RNF150: variants seen among roughly 807,000 people sequenced by gnomAD.
The protein encoded by RNF150 is ring finger protein 150.
In RNF150, 24 loss-of-function variants were observed where a neutral mutation model predicts 39.3. The observed-to-expected ratio is 0.61, with a 90% CI of 0.44 to 0.86. RNF150 has a LOEUF of 0.86. Ranked by LOEUF, RNF150 falls within the 40% of genes least tolerant of loss-of-function variation. The pLI is 0.00. For synonymous variants in RNF150, 255 were observed against 227.3 expected (o/e 1.12, Z -1.10); for missense variants, 502 against 587.8 (o/e 0.85, Z 1.51).
chr4:141,170,658 C>T (rs1466433483), intron 1 of RNF150, among the ~76,000 whole-genome samples: 3 of 151,992 alleles, frequency 2.0e-5, no homozygotes, highest in Non-Finnish European at 4.4e-5. Context: ...AATTATACAT[C>T]CATTATAGTG....
At chr4:141,197,156 T>C (rs1728214333) in intron 1 of RNF150, among the ~76,000 whole-genome samples, 1 of 152,214 alleles carries the variant, frequency 6.6e-6, no homozygotes, top group Admixed American at 6.5e-5. Context: ...TTTTATTTTA[T>C]TACAAATAAT....
At chr4:140,942,157 C>A (rs1049547169) in intron 4 of RNF150, among the ~76,000 whole-genome samples, 3 of 152,110 alleles carry the variant, frequency 2.0e-5, no homozygotes, top group African/African-American at 7.2e-5. Flanking sequence ...ATGTTATATA[C>A]ATTTTACCAA....
chr4:140,992,771 G>C (rs1734240593), intron 1 of RNF150, among the ~76,000 whole-genome samples: 1 of 152,164 alleles, frequency 6.6e-6, no homozygotes. Flanking sequence ...GGACAACTGT[G>C]AAGTTGGCCA....
intron 6 of RNF150, among the ~76,000 whole-genome samples, chr4:140,874,725 C>T (rs1228197931): frequency 1.3e-5 from 2 of 152,214 alleles, no homozygotes. Context: ...GATTCTTCTG[C>T]CTCAGCCTCC....
At chr4:140,888,099 T>C (rs1411969993) in intron 6 of RNF150, among the ~76,000 whole-genome samples, 1 of 152,178 alleles carries the variant, frequency 6.6e-6, no homozygotes, top group Non-Finnish European at 1.5e-5. Flanking sequence ...TGTAAGTAAT[T>C]TGTTTAGAAG....
At chr4:140,926,117 G>A (rs1286914291) in intron 4 of RNF150, 44 bp from the exon 5 acceptor site, 1 of 1,400,718 alleles carries the variant, frequency 7.1e-7, no homozygotes, top group Non-Finnish European at 1.0e-6. Flanking sequence ...TAACTGCAGA[G>A]AATACCTGGT....
chr4:140,923,568 C>T (rs1731252290), intron 5 of RNF150, among the ~76,000 whole-genome samples: 1 of 152,120 alleles, frequency 6.6e-6, no homozygotes, highest in African/African-American at 2.4e-5. Context: ...TGTGGCGATT[C>T]CTCAGGGATC....
At chr4:141,152,474 T>C (rs917929303) in intron 1 of RNF150, among the ~76,000 whole-genome samples, 1 of 152,220 alleles carries the variant, frequency 6.6e-6, no homozygotes, top group Admixed American at 6.5e-5. Context: ...ATGTAACACA[T>C]TGCAAAACAT....
chr4:140,899,233 A>T (rs1300916277), intron 6 of RNF150, among the ~76,000 whole-genome samples: 1 of 152,176 alleles, frequency 6.6e-6, no homozygotes, highest in Non-Finnish European at 1.5e-5. Flanking sequence ...GCTTTGCCTC[A>T]AAAGGGCTGA....
intron 2 of RNF150, among the ~76,000 whole-genome samples, chr4:140,952,216 G>A (rs1005619538): frequency 1.3e-4 from 20 of 151,874 alleles, no homozygotes; most frequent in Admixed American, 6.6e-4. Context: ...GTTTCACTAC[G>A]TTGGCCAGGC....
chr4:140,893,658 T>C (rs1729838521), intron 6 of RNF150, among the ~76,000 whole-genome samples: 1 of 152,124 alleles, frequency 6.6e-6, no homozygotes, highest in Non-Finnish European at 1.5e-5. Context: ...GGGCCACCTG[T>C]GTGGAATGGT....
At chr4:141,031,616 G>A (rs186481353) in intron 1 of RNF150, among the ~76,000 whole-genome samples, 103 of 152,118 alleles carry the variant, frequency 6.8e-4, no homozygotes, top group African/African-American at 2.4e-3. Flanking sequence ...ATTTCACAAA[G>A]ACAGATATGC....
upstream of RNF150, among the ~76,000 whole-genome samples, chr4:141,138,208 T>C (rs1167095060): frequency 6.6e-6 from 1 of 152,242 alleles, no homozygotes; most frequent in Admixed American, 6.5e-5. Flanking sequence ...ACATACATAT[T>C]TTAATGGTTT....
rs1728435575 is a variant in RNF150, at chr4:140,860,332, C to T, written c.*7929G>A. On this transcript the variant is annotated 3_prime_UTR_variant, in exon 7 of 7. Transcript: ENST00000515673. ...AGATTAGTTTTGGGTAAAAACGCTA[C>T]ATAATTCACTAGTACTTATTTCGGC... 2 of 152,140 alleles carry T rather than the reference C, an allele frequency of 1.3e-5. No homozygotes were observed. The highest frequency in any genetic ancestry group is 2.4e-5 in the African/African-American group (1 of 41,438). The allele number at this position is 152,140 out of a possible 1,614,324, so 9.4% of individuals were successfully genotyped here. A position where few individuals can be genotyped will look rare whatever the true frequency, so the allele number is the denominator to read the frequency against.
intron 1 of RNF150, among the ~76,000 whole-genome samples, chr4:141,086,748 T>C (rs1738380900): frequency 6.6e-6 from 1 of 151,578 alleles, no homozygotes. Flanking sequence ...GTTGAAATTA[T>C]GCTCTTTATC....
chr4:141,048,555 A>T (rs1361750095), intron 1 of RNF150, among the ~76,000 whole-genome samples: 1 of 152,108 alleles, frequency 6.6e-6, no homozygotes, highest in African/African-American at 2.4e-5. Flanking sequence ...ACATAGCAAG[A>T]CCCTGTCTCT....
intron 1 of RNF150, among the ~76,000 whole-genome samples, chr4:141,067,862 T>C (rs1737522181): frequency 6.6e-6 from 1 of 151,846 alleles, no homozygotes; most frequent in Admixed American, 6.6e-5. Flanking sequence ...TTTGCAATCA[T>C]ACATGGATAC....
intron 1 of RNF150, among the ~76,000 whole-genome samples, chr4:141,051,996 C>A (rs993645343): frequency 1.3e-5 from 2 of 152,084 alleles, no homozygotes; most frequent in Non-Finnish European, 2.9e-5. Context: ...TGGCGGAAGG[C>A]AAGGAGGACT....
intron 2 of RNF150, among the ~76,000 whole-genome samples, chr4:140,961,637 C>T (rs1733028417): frequency 6.6e-6 from 1 of 152,036 alleles, no homozygotes; most frequent in African/African-American, 2.4e-5. Context: ...AAATATTTTT[C>T]TAAGGGAAAT....
Sources: allele counts gnomAD v4.1 joint callset (sites outside exome capture counted in the v4.1 genomes callset), GRCh38; gene constraint gnomAD v4.1.1; transcripts MANE v1.5; gene names NCBI Gene and HGNC (gene_info 2026-07-23, HGNC 2026-07-21).